OPCML: variants seen among roughly 807,000 people sequenced by gnomAD.
The protein encoded by OPCML is opioid-binding protein/cell adhesion molecule.
OPCML carries 13 observed loss-of-function variants against 37.8 expected under a neutral mutation model. The observed-to-expected ratio is 0.34, with a 90% confidence interval of 0.22 to 0.55. The LOEUF (loss-of-function observed/expected upper bound fraction) is 0.55, where lower values mean the gene tolerates loss of function less well. OPCML is among the 20% of genes least tolerant of loss of function. The pLI is 0.91. For synonymous variants in OPCML, 176 were observed against 168.8 expected, an observed-to-expected ratio of 1.04 and a Z score of -0.33; for missense variants, 341 against 435.6, an observed-to-expected ratio of 0.78 and a Z score of 1.93.
Position 133,121,974 on chromosome 11 carries a change from A to G in OPCML, c.62-178964T>C, listed in dbSNP as rs1949429720. Among the ~76,000 whole-genome samples the G allele has an allele frequency of 2.0e-5, 3 of 152,316 alleles. No individual in the cohort carries two copies. The South Asian group carries it at 6.2e-4, about 32-fold the overall frequency. On this transcript the variant is annotated intron_variant, in intron 1 of 7. Transcript: ENST00000524381. ...TTAAAAGTTACAAAATATTCATGCC[A>G]TCTTCTTATGATTATTTGAAGCATA... is the stretch of plus-strand genomic sequence containing the variant.
intron 2 of OPCML, among the ~76,000 whole-genome samples, chr11:132,668,573 G>A (rs1343431806): frequency 2.6e-5 from 4 of 152,126 alleles, no homozygotes; most frequent in Admixed American, 2.0e-4. Flanking sequence ...CTATTAGTAC[G>A]AGCACTGTTG....
rs1247145818 is a variant in OPCML, at chr11:133,030,920, ATATT to A, written c.62-87914_62-87911del. On this transcript the variant is annotated intron_variant, in intron 1 of 7. Transcript: ENST00000524381. Reference sequence around the variant, plus strand: ...TCCAAAGAAGGCATTATAACAATATATATTTAAAAGTCTCACTAAAGCTTATACT... The same window carrying A: ...TCCAAAGAAGGCATTATAACAATATATAAAAGTCTCACTAAAGCTTATACT... Among the ~76,000 whole-genome samples, 6 of 152,180 alleles carry A rather than the reference ATATT, an allele frequency of 3.9e-5. No individual in the cohort carries two copies. In the East Asian group the frequency reaches 1.2e-3, roughly 29 times the overall value.
chr11:133,008,035 C>T lies in OPCML; in HGVS notation c.62-65025G>A, dbSNP rs996382929. 10 of 985,322 alleles carry T rather than the reference C, an allele frequency of 1.0e-5. No homozygotes were observed. The African/African-American group carries it at 1.7e-4, about 17-fold the overall frequency. 61.0% of individuals were successfully genotyped at this position (985,322 alleles called of 1,614,324 possible). A position where few individuals can be genotyped will look rare whatever the true frequency, so the allele number is the denominator to read the frequency against. ...AGGTGCTGTGTCAAGAGAGCTGTCTCATTGTTGAGATCTTGCTGTACGGCT... is the reference window on the plus strand; with the variant it reads ...AGGTGCTGTGTCAAGAGAGCTGTCTTATTGTTGAGATCTTGCTGTACGGCT... On this transcript the variant is annotated intron_variant, in intron 1 of 7. Coordinates refer to ENST00000524381, the MANE Select transcript of OPCML (RefSeq NM_001012393.5).
At chr11:132,517,822 A>G (rs887800141) in intron 4 of OPCML, among the ~76,000 whole-genome samples, 1 of 152,204 alleles carries the variant, frequency 6.6e-6, no homozygotes, top group Non-Finnish European at 1.5e-5. Context: ...AATAGATACT[A>G]TCAGAATCCA....
chr11:133,487,847 T>C (rs1313362322), intron 1 of OPCML, among the ~76,000 whole-genome samples: 2 of 151,982 alleles, frequency 1.3e-5, no homozygotes, highest in Non-Finnish European at 2.9e-5. Flanking sequence ...ATCTCAGTGA[T>C]GTTGGTGCTT....
At chr11:133,418,853 C>A (rs1945821744) in intron 1 of OPCML, among the ~76,000 whole-genome samples, 1 of 152,058 alleles carries the variant, frequency 6.6e-6, no homozygotes, top group African/African-American at 2.4e-5. Context: ...ATTTTAGAAC[C>A]CAAGATTGAC....
chr11:133,382,828 C>G (rs2136785118), intron 1 of OPCML, among the ~76,000 whole-genome samples: 1 of 152,248 alleles, frequency 6.6e-6, no homozygotes, highest in South Asian at 2.1e-4. Flanking sequence ...GGCATCTCTC[C>G]AGATTTATTT....
At chr11:132,843,380 T>C (rs1941384485) in intron 2 of OPCML, among the ~76,000 whole-genome samples, 1 of 152,134 alleles carries the variant, frequency 6.6e-6, no homozygotes, top group African/African-American at 2.4e-5. Context: ...ATTTAAAGTG[T>C]GGTTCTTCAA....
chr11:132,976,466 C>T (rs1326462296), intron 1 of OPCML, among the ~76,000 whole-genome samples: 1 of 152,174 alleles, frequency 6.6e-6, no homozygotes, highest in Non-Finnish European at 1.5e-5. Context: ...CAGTATCATG[C>T]CACCTGTGAC....
chr11:133,050,613 A>G (rs1430216801), intron 1 of OPCML, among the ~76,000 whole-genome samples: 1 of 152,126 alleles, frequency 6.6e-6, no homozygotes, highest in Admixed American at 6.5e-5. Context: ...ACCACTCAGA[A>G]CCATGCCATG....
At chr11:133,219,983 G>A (rs939826389) in intron 1 of OPCML, among the ~76,000 whole-genome samples, 2 of 152,236 alleles carry the variant, frequency 1.3e-5, no homozygotes, top group Non-Finnish European at 2.9e-5. Context: ...GATAGTTGCA[G>A]TAACATCTTT....
intron 1 of OPCML, among the ~76,000 whole-genome samples, chr11:133,370,493 A>T (rs2136749542): frequency 6.6e-6 from 1 of 152,022 alleles, no homozygotes; most frequent in South Asian, 2.1e-4. Context: ...AGAAAAAAAA[A>T]AAAAGGAAAA....
At chr11:132,546,043 C>T (rs1050481295) in intron 3 of OPCML, among the ~76,000 whole-genome samples, 1 of 152,158 alleles carries the variant, frequency 6.6e-6, no homozygotes, top group East Asian at 1.9e-4. Context: ...TAACCTGTTT[C>T]CCCAGAAGTC....
intron 1 of OPCML, among the ~76,000 whole-genome samples, chr11:133,038,613 T>G (rs543957117): frequency 6.6e-6 from 1 of 152,334 alleles, no homozygotes; most frequent in South Asian, 2.1e-4. Context: ...GGGATCATTA[T>G]TATCCCCCAT....
At chr11:132,838,282 A>T (rs368515908) in intron 2 of OPCML, among the ~76,000 whole-genome samples, 17 of 152,242 alleles carry the variant, frequency 1.1e-4, no homozygotes, top group East Asian at 3.9e-4. Context: ...GCAATTAATA[A>T]ACAAATAAAA....
At chr11:133,130,659 T>C (rs1240659331) in intron 1 of OPCML, among the ~76,000 whole-genome samples, 1 of 152,006 alleles carries the variant, frequency 6.6e-6, no homozygotes, top group African/African-American at 2.4e-5. Flanking sequence ...AAGAACAAAG[T>C]AAGAGAACTG....
intron 3 of OPCML, among the ~76,000 whole-genome samples, chr11:132,615,820 G>T (rs887205622): frequency 6.6e-6 from 1 of 152,054 alleles, no homozygotes; most frequent in Non-Finnish European, 1.5e-5. Flanking sequence ...TTCAGGAAAA[G>T]AACCTGTAGA....
rs1300375597 is a variant in OPCML, at chr11:132,967,323, TATAC to T, written c.62-24317_62-24314del. ...TGCCCTTTTCCCACATTTTGTTTCT[TATAC>T]ATATTACAACTGTATTGTTACAAAC... On this transcript the variant is annotated intron_variant, in intron 1 of 7. Coordinates refer to ENST00000524381, the MANE Select transcript of OPCML (RefSeq NM_001012393.5). Among the ~76,000 whole-genome samples, 4 of 152,210 alleles carry T rather than the reference TATAC, an allele frequency of 2.6e-5. No individual in the cohort carries two copies. The East Asian group carries it at 7.7e-4, about 29-fold the overall frequency.
intron 1 of OPCML, among the ~76,000 whole-genome samples, chr11:133,341,949 C>T (rs899828056): frequency 2.6e-5 from 4 of 151,990 alleles, no homozygotes; most frequent in Non-Finnish European, 5.9e-5. Context: ...CAGCATTACT[C>T]CTGTGAATCG....
Sources: allele counts gnomAD v4.1 joint callset (sites outside exome capture counted in the v4.1 genomes callset), GRCh38; gene constraint gnomAD v4.1.1; transcripts MANE v1.5; gene names NCBI Gene and HGNC (gene_info 2026-07-23, HGNC 2026-07-21).